ARAP2: variants seen among roughly 807,000 people sequenced by gnomAD.
ARAP2 encodes arf-GAP with Rho-GAP domain, ANK repeat and PH domain-containing protein 2.
A neutral mutation model predicts 194.5 loss-of-function variants in ARAP2; 148 were observed. The observed-to-expected ratio is 0.76, with a 90% CI of 0.67 to 0.87. The LOEUF (loss-of-function observed/expected upper bound fraction) is 0.87, where lower values mean the gene tolerates loss of function less well. Among genes scored for constraint, ARAP2 ranks in the 40% least tolerant of loss-of-function variants. The probability of loss-of-function intolerance (pLI) is 0.00; values close to 1 mark genes in which losing one functional copy is unlikely to be tolerated. For missense variants in ARAP2, 2,128 were observed against 1,989.7 expected, an observed-to-expected ratio of 1.07 and a Z score of -1.32; for synonymous variants, 695 against 683.5, an observed-to-expected ratio of 1.02 and a Z score of -0.26.
intron 19 of ARAP2, among the ~76,000 whole-genome samples, chr4:36,138,248 T>C (rs575499176): frequency 1.3e-5 from 2 of 151,874 alleles, no homozygotes; most frequent in Admixed American, 1.3e-4. Flanking sequence ...ATGAACTCAT[T>C]TTAAGTGTAT....
chr4:36,201,391 T>C (rs918765733), intron 6 of ARAP2, among the ~76,000 whole-genome samples: 12 of 152,336 alleles, frequency 7.9e-5, no homozygotes, highest in African/African-American at 2.9e-4. Context: ...ACATTTTATA[T>C]GTGAGTTCAG....
At chr4:36,236,178 CAAA>C (rs35020862) in intron 1 of ARAP2, among the ~76,000 whole-genome samples, 19 of 119,074 alleles carry the variant, frequency 1.6e-4, no homozygotes, top group Admixed American at 1.7e-4. Context: ...GACCCTGTCT[CAAA>C]AAAAAAAAAA....
At chr4:36,097,673 C>A (rs1053459471) in intron 27 of ARAP2, among the ~76,000 whole-genome samples, 10 of 152,056 alleles carry the variant, frequency 6.6e-5, no homozygotes, top group African/African-American at 9.7e-5. Context: ...TTAATGCACT[C>A]CCCAAAGCAC....
At chr4:36,215,874 C>T (rs191403717) in intron 2 of ARAP2, among the ~76,000 whole-genome samples, 1 of 151,610 alleles carries the variant, frequency 6.6e-6, no homozygotes, top group Non-Finnish European at 1.5e-5. Flanking sequence ...AAACAAAGCA[C>T]ACACACAAGA....
intron 11 of ARAP2, among the ~76,000 whole-genome samples, chr4:36,161,942 AC>A (rs1487501180): frequency 6.6e-6 from 1 of 151,994 alleles, no homozygotes; most frequent in Non-Finnish European, 1.5e-5. Flanking sequence ...CCCCGTCTCT[AC>A]TAAAAATACA....
intron 27 of ARAP2, among the ~76,000 whole-genome samples, 161 bp downstream of exon 27, chr4:36,107,404 C>T (rs1302065240): frequency 2.0e-5 from 3 of 152,052 alleles, no homozygotes; most frequent in Non-Finnish European, 4.4e-5. Flanking sequence ...AAAATATCTT[C>T]CTGTCCATAT....
chr4:36,186,730 A>G (rs1008362280), intron 8 of ARAP2, among the ~76,000 whole-genome samples: 4 of 152,178 alleles, frequency 2.6e-5, no homozygotes, highest in African/African-American at 9.7e-5. Flanking sequence ...AGCAGCACAA[A>G]CTCTACTGTA....
At chr4:36,223,411 A>G (rs1749579514) in intron 2 of ARAP2, among the ~76,000 whole-genome samples, 1 of 152,152 alleles carries the variant, frequency 6.6e-6, no homozygotes, top group Admixed American at 6.6e-5. Flanking sequence ...CAGATGTTCA[A>G]TTGTGATGGG....
At position 36,148,516 on chromosome 4, in the gene ARAP2, T is replaced by C. The variant is rs772779169; in HGVS notation, c.2898-9A>G. On this transcript the variant is annotated splice_polypyrimidine_tract_variant and intron_variant, in intron 16 of 32. Coordinates refer to ENST00000303965, the MANE Select transcript of ARAP2 (RefSeq NM_015230.4). ...CAAAGATAAAGATGGGCCTAAAACA[T>C]GCACAAATAAAAAGATACTACCAGT... is the stretch of plus-strand genomic sequence containing the variant. 13 of 1,601,158 alleles carry C rather than the reference T, an allele frequency of 8.1e-6. No individual in the cohort carries two copies. Among genetic ancestry groups the C allele is most frequent in the Admixed American group, 1.7e-5 (1 of 59,560 alleles).
At chr4:36,170,464 A>G (rs1736358941) in intron 9 of ARAP2, among the ~76,000 whole-genome samples, 1 of 152,210 alleles carries the variant, frequency 6.6e-6, no homozygotes, top group Non-Finnish European at 1.5e-5. Context: ...CTGCTTCTGT[A>G]GAATGCATGC....
intron 30 of ARAP2, among the ~76,000 whole-genome samples, 168 bp downstream of exon 30, chr4:36,082,083 T>C (rs1259776796): frequency 6.6e-6 from 1 of 152,134 alleles, no homozygotes; most frequent in African/African-American, 2.4e-5. Context: ...TGAACCCTGA[T>C]ACAAATCTGT....
At chr4:36,041,889 G>T (rs1008523626) in intron 5 of ARAP2, among the ~76,000 whole-genome samples, 5 of 152,146 alleles carry the variant, frequency 3.3e-5, no homozygotes, top group Admixed American at 3.3e-4. Flanking sequence ...GGATGAAGTT[G>T]GAGGCTATTA....
intron 31 of ARAP2, among the ~76,000 whole-genome samples, chr4:36,076,091 G>A (rs1202627733): frequency 3.2e-4 from 49 of 152,088 alleles, no homozygotes; most frequent in Non-Finnish European, 2.9e-5. Context: ...AGTCATCTAA[G>A]TGAGTTTACT....
intron 1 of ARAP2, among the ~76,000 whole-genome samples, chr4:36,236,858 A>T (rs1752545830): frequency 6.6e-6 from 1 of 152,220 alleles, no homozygotes; most frequent in Non-Finnish European, 1.5e-5. Flanking sequence ...CAGATAAAAA[A>T]TTCAAGTGTG....
intron 8 of ARAP2, among the ~76,000 whole-genome samples, chr4:36,180,286 C>CA (rs543206838): frequency 4.8e-3 from 690 of 143,324 alleles, no homozygotes; most frequent in African/African-American, 9.6e-3. Context: ...GCTCCCCCGC[C>CA]AAAAAAAAAA....
At chr4:36,192,863 G>A (rs1462796064) in intron 7 of ARAP2, among the ~76,000 whole-genome samples, 1 of 152,116 alleles carries the variant, frequency 6.6e-6, no homozygotes, top group Admixed American at 6.5e-5. Context: ...AGGCATGGTG[G>A]TGTGCACCTG....
chr4:36,088,314 A>G (rs563281420), intron 28 of ARAP2, among the ~76,000 whole-genome samples: 2 of 152,184 alleles, frequency 1.3e-5, no homozygotes, highest in African/African-American at 4.8e-5. Context: ...ACCAAACACA[A>G]TTCTATCAGA....
chr4:36,113,130 C>A (rs1720450638), intron 26 of ARAP2, among the ~76,000 whole-genome samples: 1 of 151,686 alleles, frequency 6.6e-6, no homozygotes, highest in South Asian at 2.1e-4. Flanking sequence ...ACAATAAATG[C>A]CACAGAAGGT....
chr4:36,125,032 C>A (rs1160136591), intron 21 of ARAP2, 65 bp from the exon 22 acceptor site: 2 of 1,065,768 alleles, frequency 1.9e-6, no homozygotes, highest in African/African-American at 3.1e-5. Flanking sequence ...ATTTGTCTAT[C>A]AGCAGTATTG....
Sources: allele counts gnomAD v4.1 joint callset (sites outside exome capture counted in the v4.1 genomes callset), GRCh38; gene constraint gnomAD v4.1.1; transcripts MANE v1.5; gene names NCBI Gene and HGNC (gene_info 2026-07-23, HGNC 2026-07-21).